NCAPD3: variants seen among roughly 807,000 people sequenced by gnomAD.
The protein encoded by NCAPD3 is non-SMC condensin II complex subunit D3.
A neutral mutation model predicts 182.9 loss-of-function variants in NCAPD3; 105 were observed. That is an observed-to-expected ratio of 0.57 (90% CI 0.49 to 0.68). NCAPD3 has a LOEUF of 0.68. Among genes scored for constraint, NCAPD3 ranks in the 30% least tolerant of loss-of-function variants. The probability of loss-of-function intolerance (pLI) is 0.00; values close to 1 mark genes in which losing one functional copy is unlikely to be tolerated. For synonymous variants in NCAPD3, 815 were observed against 679.9 expected (o/e 1.20, Z -3.09); for missense variants, 1,944 against 1,837.0 (o/e 1.06, Z -1.07).
At chr11:134,192,095 G>A (rs1000986864) in intron 16 of NCAPD3, among the ~76,000 whole-genome samples, 1 of 152,172 alleles carries the variant, frequency 6.6e-6, no homozygotes, top group Admixed American at 6.5e-5. Flanking sequence ...AGAGTACAAC[G>A]GCTGCTCTTA....
At position 134,152,904 on chromosome 11, in the gene NCAPD3, A is replaced by C. The variant is rs1943296129; in HGVS notation, c.*40T>G. The C allele has an allele frequency of 2.0e-6, 3 of 1,466,742 alleles. No homozygotes were observed. Among genetic ancestry groups the C allele is most frequent in the Non-Finnish European group, 2.8e-6 (3 of 1,088,632 alleles). The allele number at this position is 1,466,742 out of a possible 1,614,324, so 90.9% of individuals were successfully genotyped here. A position where few individuals can be genotyped will look rare whatever the true frequency, so the allele number is the denominator to read the frequency against. On this transcript the variant is annotated 3_prime_UTR_variant, in exon 35 of 35. Coordinates refer to ENST00000534548, the MANE Select transcript of NCAPD3 (RefSeq NM_015261.3). ...ACGGAGGACACGAGACTGCTTCCTC[A>C]AGGGCTCCTGCCTGCCTGGACACTG... is the stretch of plus-strand genomic sequence containing the variant.
chr11:134,222,403 C>G (rs919747684), intron 1 of NCAPD3, among the ~76,000 whole-genome samples: 1 of 152,100 alleles, frequency 6.6e-6, no homozygotes, highest in Non-Finnish European at 1.5e-5. Context: ...ACTTAGGATA[C>G]CAAAAAAAGC....
intron 27 of NCAPD3, among the ~76,000 whole-genome samples, chr11:134,165,124 A>ATGAGCTTAGGGG (rs1943730926): frequency 6.6e-6 from 1 of 151,452 alleles, no homozygotes; most frequent in African/African-American, 2.4e-5. Context: ...CACTTGTGAG[A>ATGAGCTTAGGGG]TGAGCTTAGG....
chr11:134,210,425 C>T lies in NCAPD3; in HGVS notation c.412G>A (p.Val138Met). 1 of 1,614,110 alleles carries T rather than the reference C, an allele frequency of 6.2e-7. No homozygotes were observed. Among genetic ancestry groups the T allele is most frequent in the Non-Finnish European group, 8.5e-7 (1 of 1,180,000 alleles). Residue 138 changes from valine (V) to methionine (M), a missense_variant, in exon 4 of 35, where the codon GTG (valine) becomes ATG (methionine). By Grantham distance (21) the Val-to-Met change is conservative. This residue lies in a region of NCAPD3 where 1,803 missense variants were observed against 1,674.6 expected (regional missense o/e 1.08). Coordinates refer to ENST00000534548, the MANE Select transcript of NCAPD3 (RefSeq NM_015261.3). ...GSVANQVFHP[V>M]MFDKCIQTLK... Reference sequence around the variant, plus strand: ...GTCTGAATGCATTTGTCAAACATCACTGGGTGGAATACTTGATTGGCTACA... The same window carrying T: ...GTCTGAATGCATTTGTCAAACATCATTGGGTGGAATACTTGATTGGCTACA...
In NCAPD3 at chr11:134,152,357, A is replaced by G. The variant is rs578100065; in HGVS notation, c.*587T>C. The G allele has an allele frequency of 6.6e-6, 1 of 152,052 alleles. No individual in the cohort carries two copies. Among genetic ancestry groups the G allele is most frequent in the South Asian group, 2.1e-4 (1 of 4,824 alleles). 9.4% of individuals were successfully genotyped at this position (152,052 alleles called of 1,614,324 possible). On this transcript the variant is annotated 3_prime_UTR_variant, in exon 35 of 35. Transcript: ENST00000534548. ...GAAGATTTGGTTTCATTCCTCTAACAAACAAACATGCTTTATGTAAAATTA... is the reference window on the plus strand; with the variant it reads ...GAAGATTTGGTTTCATTCCTCTAACGAACAAACATGCTTTATGTAAAATTA...
At chr11:134,167,825 A>G (rs1001496246) in intron 27 of NCAPD3, among the ~76,000 whole-genome samples, 171 bp downstream of exon 27, 1 of 132,158 alleles carries the variant, frequency 7.6e-6, no homozygotes, top group Non-Finnish European at 1.6e-5. Flanking sequence ...GGAGCAGCAC[A>G]CTCACTTGTG....
intron 19 of NCAPD3, among the ~76,000 whole-genome samples, chr11:134,182,184 G>A (rs1339453765): frequency 6.6e-6 from 1 of 152,172 alleles, no homozygotes; most frequent in South Asian, 2.1e-4. Flanking sequence ...CACAGAATCT[G>A]GGAAAGCTGA....
chr11:134,177,372 A>G lies in NCAPD3; in HGVS notation c.2868T>C (p.Ala956=). ...TTACAATGATGACGTTGTTGCGGAC[A>G]GCCACGTCCTCACACACCTCGAGCT... ...VRELEVCEDV[A]VRNNVIIVMC... Residue 956 remains alanine (A), a synonymous_variant, in exon 23 of 35, where the codon GCT becomes GCC. Transcript: ENST00000534548. The G allele has an allele frequency of 3.1e-6, 5 of 1,614,274 alleles. No individual in the cohort carries two copies. Among genetic ancestry groups the G allele is most frequent in the Non-Finnish European group, 4.2e-6 (5 of 1,180,050 alleles).
intron 4 of NCAPD3, 123 bp downstream of exon 4, chr11:134,210,147 T>C (rs1364042721): frequency 3.9e-6 from 3 of 759,952 alleles, no homozygotes; most frequent in Non-Finnish European, 6.5e-6. Context: ...GGATAGCTTA[T>C]GATGGTTTAG....
At chr11:134,186,152 T>G (rs1469047062) in intron 16 of NCAPD3, 1 of 152,156 alleles carries the variant, frequency 6.6e-6, no homozygotes, top group Non-Finnish European at 1.5e-5. Flanking sequence ...ATTTCAAACC[T>G]TTTCAAAATA....
At chr11:134,190,743 C>T (rs1259661075) in intron 16 of NCAPD3, among the ~76,000 whole-genome samples, 3 of 152,200 alleles carry the variant, frequency 2.0e-5, no homozygotes, top group East Asian at 3.9e-4. Flanking sequence ...TCCCAGAGTG[C>T]TGGGAATATA....
chr11:134,190,499 T>G lies in NCAPD3; in HGVS notation c.2045+2190A>C, dbSNP rs187264855. 9.2e-5 allele frequency among the ~76,000 whole-genome samples: 14 copies of G among 152,326 alleles called. No homozygotes were observed. The East Asian group carries it at 2.7e-3, about 29-fold the overall frequency. Reference sequence around the variant, plus strand: ...TCCTTCTGAAGTACATCCTTTTTATTTTTTTGAGATGAGGTCTTGCTCTGT... The same window carrying G: ...TCCTTCTGAAGTACATCCTTTTTATGTTTTTGAGATGAGGTCTTGCTCTGT... On this transcript the variant is annotated intron_variant, in intron 16 of 34. Coordinates refer to ENST00000534548, the MANE Select transcript of NCAPD3 (RefSeq NM_015261.3).
intron 28 of NCAPD3, among the ~76,000 whole-genome samples, chr11:134,161,490 G>C (rs1287253890): frequency 1.3e-5 from 2 of 152,178 alleles, no homozygotes; most frequent in Non-Finnish European, 2.9e-5. Flanking sequence ...CTGTGTTCTT[G>C]ACCCCAGCTG....
chr11:134,161,351 G>C (rs609631), intron 28 of NCAPD3, among the ~76,000 whole-genome samples: 68,445 of 152,022 alleles, frequency 0.45, 18,116 homozygotes, highest in African/African-American at 0.75. Flanking sequence ...TGGCAGCTCC[G>C]AAGGCAGCTC....
rs748683500 is a variant in NCAPD3 at position 134,161,864 on chromosome 11, T to A, written c.3601A>T (p.Ile1201Phe). 4.5e-6 allele frequency: 7 copies of A among 1,571,014 alleles called. No individual in the cohort carries two copies. In the South Asian group the frequency reaches 5.7e-5, roughly 13 times the overall value. ...QVQKRNFIEN[I>F]IPIIISLKTV... is the part of the protein sequence containing the mutation. Reference sequence around the variant, plus strand: ...TTCAGGGAGATGATAATTGGAATAATATTTTCTATGAAATTCCTCTTCTGA... The same window carrying A: ...TTCAGGGAGATGATAATTGGAATAAAATTTTCTATGAAATTCCTCTTCTGA... The change falls in exon 28 of 35, where the codon ATT (isoleucine) becomes TTT (phenylalanine). Residue 1201 changes from isoleucine to phenylalanine, a missense_variant. By Grantham distance (21) the Ile-to-Phe change is conservative. This residue lies in a region of NCAPD3 where 1,803 missense variants were observed against 1,674.6 expected (regional missense o/e 1.08). Coordinates refer to ENST00000534548, the MANE Select transcript of NCAPD3 (RefSeq NM_015261.3).
At chr11:134,168,238 G>A in intron 26 of NCAPD3, 43 bp from the exon 27 acceptor site, 1 of 1,575,408 alleles carries the variant, frequency 6.3e-7, no homozygotes, top group Non-Finnish European at 8.7e-7. Context: ...TCTGAGAAAT[G>A]CTCTGGCCCA....
At chr11:134,219,463 A>G (rs1221554871) in intron 2 of NCAPD3, among the ~76,000 whole-genome samples, 8 of 152,192 alleles carry the variant, frequency 5.3e-5, no homozygotes, top group African/African-American at 1.7e-4. Context: ...GGAGGACCTC[A>G]ACCTAGGGAG....
At chr11:134,164,671 G>A (rs1011290085) in intron 27 of NCAPD3, among the ~76,000 whole-genome samples, 1 of 150,802 alleles carries the variant, frequency 6.6e-6, no homozygotes, top group Admixed American at 6.6e-5. Flanking sequence ...GAGCTTGGGG[G>A]AGCTGCACAC....
At chr11:134,165,922 T>C (rs1943774223) in intron 27 of NCAPD3, among the ~76,000 whole-genome samples, 2 of 102,886 alleles carry the variant, frequency 1.9e-5, no homozygotes, top group South Asian at 3.9e-4. Context: ...TGAGATGAGC[T>C]TGGGGGAGCA....
Sources: allele counts gnomAD v4.1 joint callset (sites outside exome capture counted in the v4.1 genomes callset), GRCh38; gene constraint gnomAD v4.1.1; regional missense constraint gnomAD v4.1.1; transcripts MANE v1.5; gene names NCBI Gene and HGNC (gene_info 2026-07-23, HGNC 2026-07-21).